The following TMEM214 variants were observed in gnomAD, a reference collection of about 807,000 sequenced individuals.
TMEM214 encodes the protein transmembrane protein 214.
Under a neutral mutation model 89.8 loss-of-function variants are expected in TMEM214, and 71 were observed. That is an observed-to-expected ratio of 0.79 (90% CI 0.65 to 0.96). TMEM214 has a LOEUF of 0.96. TMEM214 is among the 40% of genes least tolerant of loss of function. The pLI, the probability that TMEM214 is intolerant of heterozygous loss-of-function variation, is 0.00. For missense variants in TMEM214, 754 were observed against 843.4 expected (o/e 0.89, Z 1.31); for synonymous variants, 332 against 349.5 (o/e 0.95, Z 0.56).
intron 5 of TMEM214, among the ~76,000 whole-genome samples, 178 bp from the exon 6 acceptor site, chr2:27,036,309 A>C (rs145256560): frequency 2.1e-4 from 32 of 152,402 alleles, no homozygotes; most frequent in African/African-American, 6.7e-4. Context: ...GTCATCCAGT[A>C]AATGGCAGAG....
chr2:27,037,715 T>G lies in TMEM214; in HGVS notation c.1152+13T>G. On this transcript the variant is annotated intron_variant, in intron 9 of 16. Coordinates refer to ENST00000238788, the MANE Select transcript of TMEM214 (RefSeq NM_017727.5). ...GATGAAGAAAGAGGTGAGGATATGGTGGGAGGCTTTTTCTCCTTCCCCAGG... is the reference window on the plus strand; with the variant it reads ...GATGAAGAAAGAGGTGAGGATATGGGGGGAGGCTTTTTCTCCTTCCCCAGG... 1 of 1,614,054 alleles carries G rather than the reference T, an allele frequency of 6.2e-7. No individual in the cohort carries two copies. Among genetic ancestry groups the G allele is most frequent in the Non-Finnish European group, 8.5e-7 (1 of 1,179,986 alleles).
Position 27,038,306 on chromosome 2 carries a change from T to C in TMEM214, c.1244+69T>C. 7 of 1,577,188 alleles carry C rather than the reference T, an allele frequency of 4.4e-6. No individual in the cohort carries two copies. In the South Asian group the frequency reaches 7.8e-5, roughly 17 times the overall value. On this transcript the variant is annotated intron_variant, in intron 10 of 16. Coordinates refer to ENST00000238788, the MANE Select transcript of TMEM214 (RefSeq NM_017727.5). This position sits in a 1 kb window ranked among gnomAD's most constrained non-coding sequence, Gnocchi z 4.4. ...AAGGGGAGCCTGGGTCACTGTCCCA[T>C]GGCCTGACACCTTTCAGGCTGAGTG...
At chr2:27,033,287 C>G (rs527279283) in intron 1 of TMEM214, 121 bp downstream of exon 1, 1 of 1,018,114 alleles carries the variant, frequency 9.8e-7, no homozygotes, top group Admixed American at 4.3e-5. Context: ...CTTGCGTTGT[C>G]TCTTTGGAGC....
chr2:27,037,528 C>T (rs1263780646), intron 8 of TMEM214, 33 bp from the exon 9 acceptor site: 1 of 1,613,820 alleles, frequency 6.2e-7, no homozygotes, highest in Non-Finnish European at 8.5e-7. Context: ...CCACTTATAG[C>T]TTATGCCTGT....
At position 27,034,161 on chromosome 2, in the gene TMEM214, A is replaced by G. The variant is rs1667448594; in HGVS notation, c.246A>G (p.Glu82=). ...NKEQVPPPAV[E]PKKPGNKKQP... ...AGCAGGTCCCACCCCCTGCTGTGGAACCTAAGAAACCAGGGAACAAGAAGC... is the reference window on the plus strand; with the variant it reads ...AGCAGGTCCCACCCCCTGCTGTGGAGCCTAAGAAACCAGGGAACAAGAAGC... Residue 82 remains glutamate (E), a synonymous_variant, in exon 2 of 17, where the codon GAA becomes GAG. Transcript: ENST00000238788. The G allele has an allele frequency of 6.2e-7, 1 of 1,614,040 alleles. No individual in the cohort carries two copies. Among genetic ancestry groups the G allele is most frequent in the African/African-American group, 1.3e-5 (1 of 74,902 alleles).
chr2:27,034,583 C>A, intron 2 of TMEM214: 1 of 268,128 alleles, frequency 3.7e-6, no homozygotes, highest in Non-Finnish European at 7.1e-6. Flanking sequence ...CATTTTCTGT[C>A]TTGTCCTCTG....
chr2:27,035,631 G>A lies in TMEM214; in HGVS notation c.540G>A (p.Gly180=), dbSNP rs1190824369. ...PYSLVSRELR[G]IIRGLLAKAA... ...GCCTGGTGAGCCGGGAGCTACGTGGGATCATCCGAGGGCTGCTGGCGAAGG... is the reference window on the plus strand; with the variant it reads ...GCCTGGTGAGCCGGGAGCTACGTGGAATCATCCGAGGGCTGCTGGCGAAGG... Residue 180 remains glycine (G), a synonymous_variant, in exon 4 of 17, where the codon GGG becomes GGA. Coordinates refer to ENST00000238788, the MANE Select transcript of TMEM214 (RefSeq NM_017727.5). 4 of 1,614,220 alleles carry A rather than the reference G, an allele frequency of 2.5e-6. No individual in the cohort carries two copies. Among genetic ancestry groups the A allele is most frequent in the Non-Finnish European group, 3.4e-6 (4 of 1,180,040 alleles).
Position 27,037,720 on chromosome 2 carries a change from G to A in TMEM214, c.1152+18G>A. The A allele has an allele frequency of 6.2e-7, 1 of 1,614,114 alleles. No individual in the cohort carries two copies. The highest frequency in any genetic ancestry group is 1.1e-5 in the South Asian group (1 of 91,072). ...AGAAAGAGGTGAGGATATGGTGGGA[G>A]GCTTTTTCTCCTTCCCCAGGGGTCA... On this transcript the variant is annotated intron_variant, in intron 9 of 16. Coordinates refer to ENST00000238788, the MANE Select transcript of TMEM214 (RefSeq NM_017727.5).
At position 27,037,158 on chromosome 2, in the gene TMEM214, G is replaced by T; in HGVS notation, c.990G>T (p.Pro330=). The change falls in exon 8 of 17, where the codon CCG becomes CCT. Residue 330 remains proline, a synonymous_variant. Coordinates refer to ENST00000238788, the MANE Select transcript of TMEM214 (RefSeq NM_017727.5). ...FFPLLDFAYM[P]NNSLTPSLQE... ...CACTTCTGGACTTTGCCTATATGCC[G>T]AACAACTCCCTGACACCCAGGTAGG... 1 of 1,613,812 alleles carries T rather than the reference G, an allele frequency of 6.2e-7. No individual in the cohort carries two copies. The highest frequency in any genetic ancestry group is 8.5e-7 in the Non-Finnish European group (1 of 1,179,906).
rs1015930990 is a variant in TMEM214 at position 27,033,186 on chromosome 2, C to T, written c.151+20C>T. ...TGACCCGTGAGTACCCGCCCTGCCC[C>T]GCCGCCTACCCCAGGCCTGTCCGGC... is the stretch of plus-strand genomic sequence containing the variant. On this transcript the variant is annotated intron_variant, in intron 1 of 16. Coordinates refer to ENST00000238788, the MANE Select transcript of TMEM214 (RefSeq NM_017727.5). The T allele has an allele frequency of 3.2e-6, 4 of 1,247,278 alleles. No homozygotes were observed. The East Asian group carries it at 9.5e-5, about 30-fold the overall frequency. 77.3% of individuals were successfully genotyped at this position (1,247,278 alleles called of 1,614,324 possible).
chr2:27,035,285 G>A lies in TMEM214; in HGVS notation c.502G>A (p.Asp168Asn). 6.2e-7 allele frequency: 1 copy of A among 1,614,176 alleles called. No homozygotes were observed. Among genetic ancestry groups the A allele is most frequent in the Non-Finnish European group, 8.5e-7 (1 of 1,180,032 alleles). ...ACCCACGCTGAGCCAGCATACTCATGGTAAGTCCTTCCAGCTTCCTCAAGC... is the reference window on the plus strand; with the variant it reads ...ACCCACGCTGAGCCAGCATACTCATAGTAAGTCCTTCCAGCTTCCTCAAGC... Reference protein sequence around the residue: ...SEPTLSQHTHDYPYSLVSREL... With the variant: ...SEPTLSQHTHNYPYSLVSREL... Residue 168 changes from aspartate (D) to asparagine (N), a missense_variant and splice_region_variant, in exon 3 of 17, where the codon GAT becomes AAT. Physicochemically the swap from Asp to Asn is conservative, Grantham distance 23. Coordinates refer to ENST00000238788, the MANE Select transcript of TMEM214 (RefSeq NM_017727.5).
Position 27,040,418 on chromosome 2 carries a change from A to T in TMEM214, c.1865A>T (p.Gln622Leu). ...AGAGAGCTGCCCCTGCTTTTCCACCAGAATGTGCTGCTGCCACTGTGGCAC... is the reference window on the plus strand; with the variant it reads ...AGAGAGCTGCCCCTGCTTTTCCACCTGAATGTGCTGCTGCCACTGTGGCAC... ...YLRELPLLFH[Q>L]NVLLPLWHLL... The change falls in exon 16 of 17, where the codon CAG (glutamine) becomes CTG (leucine). Residue 622 changes from glutamine to leucine, a missense_variant. Physicochemically the swap from Gln to Leu is moderately radical, Grantham distance 113. Coordinates refer to ENST00000238788, the MANE Select transcript of TMEM214 (RefSeq NM_017727.5). 2 of 1,614,226 alleles carry T rather than the reference A, an allele frequency of 1.2e-6. No individual in the cohort carries two copies. The highest frequency in any genetic ancestry group is 8.5e-7 in the Non-Finnish European group (1 of 1,180,038).
At chr2:27,036,130 G>C in intron 5 of TMEM214, 78 bp downstream of exon 5, 1 of 1,384,164 alleles carries the variant, frequency 7.2e-7, no homozygotes, top group Non-Finnish European at 1.0e-6. Context: ...GTTGGACTCA[G>C]GTTTGGGATA....
At position 27,034,060 on chromosome 2, in the gene TMEM214, A is replaced by G; in HGVS notation, c.152-7A>G. On this transcript the variant is annotated splice_region_variant and splice_polypyrimidine_tract_variant and intron_variant, in intron 1 of 16. Transcript: ENST00000238788. ...GGCCTGCCTTTCTCTACCTATCTTCACCCCAGCTGCAATCCAGACCACAAG... is the reference window on the plus strand; with the variant it reads ...GGCCTGCCTTTCTCTACCTATCTTCGCCCCAGCTGCAATCCAGACCACAAG... 3 of 1,613,808 alleles carry G rather than the reference A, an allele frequency of 1.9e-6. No homozygotes were observed. The highest frequency in any genetic ancestry group is 2.7e-5 in the African/African-American group (2 of 74,950).
At position 27,037,857 on chromosome 2, in the gene TMEM214, C is replaced by G. The variant is rs770199296; in HGVS notation, c.1152+155C>G. 5.1e-6 allele frequency: 8 copies of G among 1,562,934 alleles called. No homozygotes were observed. The East Asian group carries it at 1.9e-4, about 38-fold the overall frequency. ...CCTGCCCCGCTCACTCGAGCTTCAC[C>G]CTCAGAAGATGGATCCCAAGAGACA... On this transcript the variant is annotated intron_variant, in intron 9 of 16. Transcript: ENST00000238788.
rs1572792250 is a variant in TMEM214, at chr2:27,038,142, G to A, written c.1153-4G>A. The A allele has an allele frequency of 6.2e-7, 1 of 1,614,190 alleles. No homozygotes were observed. The highest frequency in any genetic ancestry group is 8.5e-7 in the Non-Finnish European group (1 of 1,180,034). On this transcript the variant is annotated splice_polypyrimidine_tract_variant and splice_region_variant and intron_variant, in intron 9 of 16. Coordinates refer to ENST00000238788, the MANE Select transcript of TMEM214 (RefSeq NM_017727.5). This position sits in a 1 kb window ranked among gnomAD's most constrained non-coding sequence, Gnocchi z 4.4. The stretch of plus-strand genomic sequence containing the variant: ...GCAGCCTCTCCCTCTGTCGTGCTGT[G>A]CAGCTCCTGAGCAGCCTGACTGAGT...
intron 3 of TMEM214, 53 bp downstream of exon 3, chr2:27,035,338 G>A (rs1667507599): frequency 1.2e-6 from 2 of 1,611,236 alleles, no homozygotes; most frequent in South Asian, 1.1e-5. Flanking sequence ...AATTCAAAAA[G>A]GGTGGTATAA....
chr2:27,039,779 T>G lies in TMEM214; in HGVS notation c.1564T>G (p.Leu522Val). The change falls in exon 14 of 17, where the codon TTA becomes GTA. Residue 522 changes from leucine (L) to valine (V), a missense_variant. By Grantham distance (32) the Leu-to-Val change is conservative. Transcript: ENST00000238788. ...CCGGTTGCTTCGATCATCTGGCTTCTTACCTGCTAGCCAACAAGCGTGTGC... is the reference window on the plus strand; with the variant it reads ...CCGGTTGCTTCGATCATCTGGCTTCGTACCTGCTAGCCAACAAGCGTGTGC... ...TGRLLRSSGF[L>V]PASQQACAKL... 6.2e-7 allele frequency: 1 copy of G among 1,614,220 alleles called. No homozygotes were observed. The highest frequency in any genetic ancestry group is 8.5e-7 in the Non-Finnish European group (1 of 1,180,042).
chr2:27,036,151 T>C, intron 5 of TMEM214, 99 bp downstream of exon 5: 1 of 1,088,868 alleles, frequency 9.2e-7, no homozygotes, highest in Non-Finnish European at 1.4e-6. Context: ...GTGGAAGACC[T>C]GTAAGCCTAG....
Sources: gnomAD v4.1 joint callset for allele counts (sites outside exome capture counted in the v4.1 genomes callset) on GRCh38, gnomAD v4.1.1 for gene constraint, Gnocchi (gnomAD v3.1) non-coding constraint, MANE v1.5 for transcripts, NCBI Gene and HGNC (gene_info 2026-07-23, HGNC 2026-07-21) for gene names.